MARCHF11: variants seen among roughly 807,000 people sequenced by gnomAD.
MARCHF11 encodes the protein membrane associated ring-CH-type finger 11.
MARCHF11 carries 29 observed loss-of-function variants against 37.3 expected under a neutral mutation model. That is an observed-to-expected ratio of 0.78 (90% CI 0.58 to 1.06). MARCHF11 has a LOEUF of 1.06. Ranked by LOEUF, MARCHF11 falls within the 50% of genes least tolerant of loss-of-function variation. The pLI, the probability that MARCHF11 is intolerant of heterozygous loss-of-function variation, is 0.00. For synonymous variants in MARCHF11, 233 were observed against 228.0 expected, an observed-to-expected ratio of 1.02 and a Z score of -0.20; for missense variants, 482 against 533.4, an observed-to-expected ratio of 0.90 and a Z score of 0.95.
intron 2 of MARCHF11, 142 bp from the exon 3 acceptor site, chr5:16,091,223 T>C (rs935751716): frequency 1.7e-6 from 1 of 593,474 alleles, no homozygotes; most frequent in East Asian, 3.0e-5. Context: ...TTTCATTTCA[T>C]CCAGGCTATA....
chr5:16,152,082 C>T (rs1737898894), intron 2 of MARCHF11, among the ~76,000 whole-genome samples: 1 of 151,964 alleles, frequency 6.6e-6, no homozygotes, highest in Non-Finnish European at 1.5e-5. Flanking sequence ...GTATCTCACT[C>T]ATTAAGAACG....
At position 16,179,357 on chromosome 5, in the gene MARCHF11, G is replaced by A. The variant is rs934682393; in HGVS notation, c.219C>T (p.Ala73=). The change falls in exon 1 of 4, where the codon GCC becomes GCT. Residue 73 remains alanine (A), a synonymous_variant. Coordinates refer to ENST00000332432, the MANE Select transcript of MARCHF11 (RefSeq NM_001102562.3). ...GCTCGTCCGCTCCCCTGCACCGCGG[G>A]GCCACCTCCCCTAGCGGCTCGCTTG... ...AGPSEPLGEV[A]PRCRGADELP... The A allele has an allele frequency of 2.1e-5, 25 of 1,180,522 alleles. No individual in the cohort carries two copies. The highest frequency in any genetic ancestry group is 2.6e-5 in the Non-Finnish European group (25 of 955,768). 73.1% of individuals were successfully genotyped at this position (1,180,522 alleles called of 1,614,324 possible).
chr5:16,162,977 A>G (rs1409943295), intron 2 of MARCHF11, among the ~76,000 whole-genome samples: 1 of 152,060 alleles, frequency 6.6e-6, no homozygotes, highest in Non-Finnish European at 1.5e-5. Flanking sequence ...TAAGTGGCTG[A>G]GCTGAAATCT....
chr5:16,140,587 T>A (rs1292537613), intron 2 of MARCHF11, among the ~76,000 whole-genome samples: 1 of 152,194 alleles, frequency 6.6e-6, no homozygotes, highest in Non-Finnish European at 1.5e-5. Context: ...AAGGAAGGAA[T>A]GGTTTTGAAC....
At chr5:16,102,625 T>A (rs935301519) in intron 2 of MARCHF11, among the ~76,000 whole-genome samples, 7 of 152,140 alleles carry the variant, frequency 4.6e-5, no homozygotes, top group Non-Finnish European at 1.0e-4. Flanking sequence ...TCCAACCCAT[T>A]TCCAGCTCCC....
At chr5:16,136,402 A>G (rs1417959666) in intron 2 of MARCHF11, among the ~76,000 whole-genome samples, 1 of 152,204 alleles carries the variant, frequency 6.6e-6, no homozygotes, top group Non-Finnish European at 1.5e-5. Flanking sequence ...GAAACACATA[A>G]GCAACTGTGG....
chr5:16,138,699 C>A (rs941261072), intron 2 of MARCHF11, among the ~76,000 whole-genome samples: 5 of 152,182 alleles, frequency 3.3e-5, no homozygotes, highest in Admixed American at 6.5e-5. Flanking sequence ...CTGTACCCTG[C>A]AAAGCCACAG....
chr5:16,166,712 T>C lies in MARCHF11; in HGVS notation c.693+11014A>G, dbSNP rs570504999. The stretch of plus-strand genomic sequence containing the variant: ...TGAAATATAGAAATGATTACAAATG[T>C]ATCATCAATATAGAAATAGTTACAA... On this transcript the variant is annotated intron_variant, in intron 2 of 3. Coordinates refer to ENST00000332432, the MANE Select transcript of MARCHF11 (RefSeq NM_001102562.3). Among the ~76,000 whole-genome samples the C allele has an allele frequency of 3.3e-5, 5 of 152,192 alleles. No individual in the cohort carries two copies. In the East Asian group the frequency reaches 5.8e-4, roughly 18 times the overall value.
At chr5:16,085,674 C>T (rs145843104) in intron 3 of MARCHF11, among the ~76,000 whole-genome samples, 143 of 151,988 alleles carry the variant, frequency 9.4e-4, no homozygotes, top group Middle Eastern at 3.4e-3. Context: ...ATTACTCCGC[C>T]GGGCGCAGTG....
In MARCHF11 at chr5:16,179,683, G is replaced by A. The variant is rs1242131964; in HGVS notation, c.-108C>T. On this transcript the variant is annotated 5_prime_UTR_variant, in exon 1 of 4. Coordinates refer to ENST00000332432, the MANE Select transcript of MARCHF11 (RefSeq NM_001102562.3). ...GAGGGAGAGGGGAAAAGGAGGGAGG[G>A]GGCCCGGACGCCTGGGGCTAGGGGG... 3.9e-6 allele frequency: 3 copies of A among 764,924 alleles called. No homozygotes were observed. Among genetic ancestry groups the A allele is most frequent in the Non-Finnish European group, 5.0e-6 (3 of 602,980 alleles). 47.4% of individuals were successfully genotyped at this position (764,924 alleles called of 1,614,324 possible).
chr5:16,077,622 C>T (rs1204362887), intron 3 of MARCHF11, among the ~76,000 whole-genome samples: 1 of 152,130 alleles, frequency 6.6e-6, no homozygotes, highest in African/African-American at 2.4e-5. Flanking sequence ...TATTTCACTG[C>T]ATGACATCAG....
chr5:16,133,106 G>GA (rs1383002268), intron 2 of MARCHF11, among the ~76,000 whole-genome samples: 10 of 151,346 alleles, frequency 6.6e-5, no homozygotes, highest in Admixed American at 4.0e-4. Flanking sequence ...GTGGAAGATT[G>GA]AAAAAAAAGT....
At chr5:16,137,827 T>C (rs189066381) in intron 2 of MARCHF11, among the ~76,000 whole-genome samples, 1 of 152,162 alleles carries the variant, frequency 6.6e-6, no homozygotes, top group Non-Finnish European at 1.5e-5. Context: ...GCCCTAGAGA[T>C]CTCTGGAACT....
intron 2 of MARCHF11, among the ~76,000 whole-genome samples, chr5:16,173,495 C>G (rs376874175): frequency 3.3e-5 from 5 of 152,276 alleles, no homozygotes; most frequent in African/African-American, 1.2e-4. Context: ...TGAGGGACAT[C>G]TGGAGAGTAA....
chr5:16,082,981 C>T (rs1428196022), intron 3 of MARCHF11, among the ~76,000 whole-genome samples: 1 of 152,182 alleles, frequency 6.6e-6, no homozygotes, highest in Non-Finnish European at 1.5e-5. Context: ...CAAAGCTCGG[C>T]TATCCTCAGT....
chr5:16,072,175 A>G (rs2126543685), intron 3 of MARCHF11, among the ~76,000 whole-genome samples: 1 of 152,320 alleles, frequency 6.6e-6, no homozygotes, highest in South Asian at 2.1e-4. Flanking sequence ...GTCCAACATC[A>G]TGAAGACAGA....
chr5:16,099,922 G>A (rs1736928957), intron 2 of MARCHF11, among the ~76,000 whole-genome samples: 1 of 152,174 alleles, frequency 6.6e-6, no homozygotes, highest in South Asian at 2.1e-4. Flanking sequence ...ACTCGGGAAT[G>A]CTGTCAGGAT....
At chr5:16,167,157 C>CGT (rs3031646) in intron 2 of MARCHF11, among the ~76,000 whole-genome samples, 310 of 149,334 alleles carry the variant, frequency 2.1e-3, no homozygotes, top group African/African-American at 5.6e-3. Flanking sequence ...TGTATACACA[C>CGT]GTGTGTGTGT....
chr5:16,113,844 C>A (rs1181202726), intron 2 of MARCHF11, among the ~76,000 whole-genome samples: 4 of 152,228 alleles, frequency 2.6e-5, no homozygotes, highest in South Asian at 2.1e-4. Flanking sequence ...AGTACAGTCT[C>A]CCTACTGTGC....
Sources: allele counts gnomAD v4.1 joint callset (sites outside exome capture counted in the v4.1 genomes callset), GRCh38; gene constraint gnomAD v4.1.1; transcripts MANE v1.5; gene names NCBI Gene and HGNC (gene_info 2026-07-23, HGNC 2026-07-21).